CAMTA1: variants seen among roughly 807,000 people sequenced by gnomAD.
CAMTA1 encodes calmodulin-binding transcription activator 1.
Under a neutral mutation model 170.9 loss-of-function variants are expected in CAMTA1, and 27 were observed. That is an observed-to-expected ratio of 0.16 (90% CI 0.12 to 0.22). CAMTA1 has a LOEUF of 0.22. Ranked by LOEUF, CAMTA1 falls within the 10% of genes least tolerant of loss-of-function variation. The probability of loss-of-function intolerance (pLI) is 1.00; values close to 1 mark genes in which losing one functional copy is unlikely to be tolerated. For missense variants in CAMTA1, 1,619 were observed against 2,217.2 expected, an observed-to-expected ratio of 0.73 and a Z score of 5.42; for synonymous variants, 833 against 891.5, an observed-to-expected ratio of 0.93 and a Z score of 1.17.
intron 4 of CAMTA1, among the ~76,000 whole-genome samples, chr1:7,147,877 A>C (rs372151424): frequency 4.0e-4 from 60 of 150,184 alleles, no homozygotes; most frequent in African/African-American, 1.3e-3. Context: ...ATGCACACAC[A>C]CAAACTCAAA....
chr1:7,517,621 G>C (rs1969473), intron 6 of CAMTA1, among the ~76,000 whole-genome samples: 31,503 of 150,864 alleles, frequency 0.21, 4,580 homozygotes, highest in East Asian at 0.46. Context: ...CTCAAGAAGG[G>C]TTGGGGAAAT....
At chr1:6,912,896 A>G (rs1027018256) in intron 3 of CAMTA1, among the ~76,000 whole-genome samples, 1 of 152,198 alleles carries the variant, frequency 6.6e-6, no homozygotes, top group Non-Finnish European at 1.5e-5. Context: ...CTTGGGCACC[A>G]GGAGGTTGTG....
At chr1:7,495,530 A>C (rs59018905) in intron 6 of CAMTA1, among the ~76,000 whole-genome samples, 2,231 of 152,268 alleles carry the variant, frequency 0.015, 53 homozygotes, top group African/African-American at 0.051. Context: ...AGGGCCCCAC[A>C]TCTCCTGGCA....
At chr1:7,544,199 T>A (rs549564431) in intron 6 of CAMTA1, among the ~76,000 whole-genome samples, 23 of 152,290 alleles carry the variant, frequency 1.5e-4, no homozygotes, top group Admixed American at 1.4e-3. Flanking sequence ...ACTTCTTACA[T>A]GGCGGTGGCA....
intron 5 of CAMTA1, among the ~76,000 whole-genome samples, chr1:7,364,213 G>A (rs1351120960): frequency 2.0e-5 from 3 of 152,226 alleles, no homozygotes; most frequent in Non-Finnish European, 4.4e-5. Flanking sequence ...TGAGGACACT[G>A]CAGGCAGCGA....
intron 11 of CAMTA1, among the ~76,000 whole-genome samples, chr1:7,727,329 A>C (rs967469207): frequency 3.3e-5 from 5 of 152,096 alleles, no homozygotes; most frequent in African/African-American, 1.2e-4. Context: ...TCACCGTGTT[A>C]GCCAGGATGG....
intron 22 of CAMTA1, 128 bp from the exon 23 acceptor site, chr1:7,766,331 C>T (rs1257759810): frequency 1.1e-5 from 8 of 716,156 alleles, no homozygotes; most frequent in East Asian, 5.4e-5. Context: ...TTTCTTTTGC[C>T]GTCAATCCTC....
intron 6 of CAMTA1, among the ~76,000 whole-genome samples, chr1:7,541,242 G>A (rs2094607983): frequency 1.3e-5 from 2 of 152,190 alleles, no homozygotes; most frequent in South Asian, 4.1e-4. Context: ...TGGCCTCACT[G>A]CATGGGCAAG....
intron 1 of CAMTA1, 24 bp from the exon 2 acceptor site, chr1:6,820,157 A>G: frequency 7.5e-7 from 1 of 1,337,792 alleles, no homozygotes; most frequent in Admixed American, 1.7e-5. Context: ...GATTAGTTTT[A>G]CATTTTATTT....
chr1:6,917,317 G>T (rs1190414520), intron 3 of CAMTA1, among the ~76,000 whole-genome samples: 3 of 152,118 alleles, frequency 2.0e-5, no homozygotes, highest in East Asian at 1.9e-4. Flanking sequence ...GTAAGCCGTG[G>T]TGGTTTAAAT....
At chr1:7,324,454 T>C (rs1325969853) in intron 5 of CAMTA1, among the ~76,000 whole-genome samples, 1 of 152,240 alleles carries the variant, frequency 6.6e-6, no homozygotes, top group African/African-American at 2.4e-5. Flanking sequence ...ACTTTGGCTG[T>C]AATTATTGAT....
chr1:7,290,584 G>C (rs1225607774), intron 5 of CAMTA1, among the ~76,000 whole-genome samples: 4 of 152,008 alleles, frequency 2.6e-5, no homozygotes, highest in Non-Finnish European at 4.4e-5. Flanking sequence ...CCCCCCCCAT[G>C]CACGTATTGC....
At chr1:6,919,980 C>T (rs1192896816) in intron 3 of CAMTA1, among the ~76,000 whole-genome samples, 1 of 152,064 alleles carries the variant, frequency 6.6e-6, no homozygotes, top group Non-Finnish European at 1.5e-5. Context: ...ATCATTCCTC[C>T]CCTGGTCCCT....
intron 22 of CAMTA1, among the ~76,000 whole-genome samples, chr1:7,756,847 C>CAAACAAAACA (rs200786659): frequency 6.7e-6 from 1 of 149,074 alleles, no homozygotes; most frequent in Non-Finnish European, 1.5e-5. Flanking sequence ...GACCCTGTCT[C>CAAACAAAACA]AAACAAAACA....
chr1:7,552,140 C>G (rs2094811569), intron 6 of CAMTA1, among the ~76,000 whole-genome samples: 1 of 152,210 alleles, frequency 6.6e-6, no homozygotes, highest in Non-Finnish European at 1.5e-5. Context: ...TTTGACAGAG[C>G]AAGGCTGATG....
At chr1:6,801,953 T>C (rs1454493364) in intron 1 of CAMTA1, among the ~76,000 whole-genome samples, 1 of 152,194 alleles carries the variant, frequency 6.6e-6, no homozygotes, top group Non-Finnish European at 1.5e-5. Context: ...TCTGAGGTTC[T>C]TAATAAACAC....
intron 6 of CAMTA1, among the ~76,000 whole-genome samples, chr1:7,574,829 AC>A (rs750236884): frequency 1.3e-5 from 2 of 152,124 alleles, no homozygotes; most frequent in Non-Finnish European, 2.9e-5. Context: ...CTTGGCTTCC[AC>A]CTGCCAGTTT....
chr1:7,625,501 T>C (rs1576462179), intron 6 of CAMTA1, among the ~76,000 whole-genome samples: 1 of 152,228 alleles, frequency 6.6e-6, no homozygotes, highest in African/African-American at 2.4e-5. Context: ...CAGGCCGTTC[T>C]GTCGCATCAT....
At chr1:7,407,421 G>A (rs2090380316) in intron 5 of CAMTA1, among the ~76,000 whole-genome samples, 1 of 152,138 alleles carries the variant, frequency 6.6e-6, no homozygotes, top group Admixed American at 6.5e-5. Context: ...CTGCTCTGTG[G>A]GGCCCCTCAC....
Sources: allele counts gnomAD v4.1 joint callset (sites outside exome capture counted in the v4.1 genomes callset), GRCh38; gene constraint gnomAD v4.1.1; transcripts MANE v1.5; gene names NCBI Gene and HGNC (gene_info 2026-07-23, HGNC 2026-07-21).